DLGAP2: variants seen among roughly 807,000 people sequenced by gnomAD.
DLGAP2 encodes disks large-associated protein 2.
A neutral mutation model predicts 100.3 loss-of-function variants in DLGAP2; 26 were observed. The ratio of observed to expected loss-of-function variants is 0.26; its 90% confidence interval spans 0.19 to 0.36. The LOEUF (loss-of-function observed/expected upper bound fraction) is 0.36, where lower values mean the gene tolerates loss of function less well. Among genes scored for constraint, DLGAP2 ranks in the 10% least tolerant of loss-of-function variants. DLGAP2 has a pLI of 1.00. For synonymous variants in DLGAP2, 886 were observed against 630.1 expected (o/e 1.41, Z -6.08); for missense variants, 1,858 against 1,453.2 (o/e 1.28, Z -4.53).
intron 8 of DLGAP2, among the ~76,000 whole-genome samples, chr8:1,636,756 A>C (rs1175919736): frequency 1.3e-5 from 2 of 152,238 alleles, no homozygotes; most frequent in Non-Finnish European, 2.9e-5. Flanking sequence ...CCGTCGAGTT[A>C]CTGTGTAACT....
chr8:1,492,666 T>C (rs533584211), intron 3 of DLGAP2, among the ~76,000 whole-genome samples: 1 of 152,202 alleles, frequency 6.6e-6, no homozygotes, highest in Non-Finnish European at 1.5e-5. Flanking sequence ...TGACCCCTCC[T>C]CACAGCCGGA....
At chr8:1,019,348 C>T (rs1027064119) in intron 2 of DLGAP2, 2 of 151,904 alleles carry the variant, frequency 1.3e-5, no homozygotes, top group African/African-American at 4.8e-5. Context: ...AGTACCAGGA[C>T]CAGAGAATCT....
intron 2 of DLGAP2, among the ~76,000 whole-genome samples, chr8:1,236,414 GGCGCCATGTCTAGTTACCTCTCACA>G: frequency 2.2e-4 from 2 of 9,122 alleles, no homozygotes; most frequent in African/African-American, 1.3e-3. Context: ...TCTCTCACAT[GGCGCCATGTCTAGTTACCTCTCACA>G]TGGTGCAGTG....
intron 3 of DLGAP2, among the ~76,000 whole-genome samples, chr8:1,475,570 C>T (rs1033754105): frequency 1.3e-5 from 2 of 152,120 alleles, no homozygotes; most frequent in African/African-American, 4.8e-5. Flanking sequence ...AAACGTCTTC[C>T]ATACTGGGTC....
At chr8:1,412,708 C>A (rs977150438) in intron 3 of DLGAP2, among the ~76,000 whole-genome samples, 1 of 152,210 alleles carries the variant, frequency 6.6e-6, no homozygotes, top group African/African-American at 2.4e-5. Context: ...TTGAGTCTTT[C>A]TTGCTGTTCT....
chr8:1,039,563 TTGGTGTG>T (rs1802245633), intron 2 of DLGAP2, among the ~76,000 whole-genome samples: 1 of 115,876 alleles, frequency 8.6e-6, no homozygotes. Context: ...CGTGGTCAGC[TTGGTGTG>T]CGTGGTCAGC....
At chr8:855,566 A>T (rs146660451) in intron 1 of DLGAP2, among the ~76,000 whole-genome samples, 276 of 152,250 alleles carry the variant, frequency 1.8e-3, no homozygotes, top group African/African-American at 6.4e-3. Context: ...TGAGAGGGGG[A>T]TAGGTCTGTA....
At chr8:1,663,444 G>A (rs753647507) in intron 8 of DLGAP2, among the ~76,000 whole-genome samples, 11 of 152,062 alleles carry the variant, frequency 7.2e-5, no homozygotes, top group Non-Finnish European at 1.0e-4. Flanking sequence ...TCTCCGCTTC[G>A]TGGGACGCCG....
At chr8:1,463,895 A>C (rs1018626167) in intron 3 of DLGAP2, among the ~76,000 whole-genome samples, 1 of 152,224 alleles carries the variant, frequency 6.6e-6, no homozygotes, top group African/African-American at 2.4e-5. Flanking sequence ...TGGGCCTTCC[A>C]GGGAGCTGCA....
At chr8:1,319,110 G>C (rs995198096) in intron 3 of DLGAP2, among the ~76,000 whole-genome samples, 1 of 152,088 alleles carries the variant, frequency 6.6e-6, no homozygotes, top group African/African-American at 2.4e-5. Flanking sequence ...AGGTCTCCGA[G>C]GGCTGGAGGG....
chr8:1,582,306 A>ACACACCACAGAC (rs1803310835), intron 6 of DLGAP2, among the ~76,000 whole-genome samples: 1 of 100,798 alleles, frequency 9.9e-6, no homozygotes, highest in African/African-American at 5.3e-5. Context: ...GGATACAGAT[A>ACACACCACAGAC]AAACCTTAAA....
intron 1 of DLGAP2, among the ~76,000 whole-genome samples, chr8:898,260 C>T (rs1389749148): frequency 2.6e-5 from 4 of 152,096 alleles, no homozygotes; most frequent in Non-Finnish European, 5.9e-5. Flanking sequence ...CCACTGTGGC[C>T]AGGGCTGTAG....
chr8:1,120,754 A>G (rs763797916), intron 2 of DLGAP2, among the ~76,000 whole-genome samples: 6 of 151,322 alleles, frequency 4.0e-5, no homozygotes, highest in Non-Finnish European at 5.9e-5. Flanking sequence ...ACCCATCCTA[A>G]TTTATTTAGA....
At chr8:1,412,136 T>C (rs557694190) in intron 3 of DLGAP2, among the ~76,000 whole-genome samples, 68 of 152,320 alleles carry the variant, frequency 4.5e-4, no homozygotes, top group African/African-American at 1.6e-3. Flanking sequence ...ATCTCCCTCC[T>C]CCTCACCTGT....
intron 2 of DLGAP2, among the ~76,000 whole-genome samples, chr8:1,007,115 C>G (rs973290814): frequency 3.3e-5 from 5 of 151,848 alleles, no homozygotes; most frequent in African/African-American, 1.2e-4. Flanking sequence ...CGCCGTGTGT[C>G]TGAAGTCTCA....
chr8:821,809 T>C (rs1053009662), intron 1 of DLGAP2, among the ~76,000 whole-genome samples: 6 of 152,362 alleles, frequency 3.9e-5, no homozygotes, highest in African/African-American at 1.2e-4. Flanking sequence ...TGTACATTAT[T>C]ATCATTTCAA....
rs368768035 is a variant in DLGAP2, at chr8:1,054,435, A to C, written c.73+146469A>C. Among the ~76,000 whole-genome samples, 46 of 152,314 alleles carry C rather than the reference A, an allele frequency of 3.0e-4. 1 individual carries two copies. The South Asian group carries it at 6.4e-3, about 21-fold the overall frequency. ...CATCTTAGATTTGTGGTCACCAGTTACACTTCGGCTTTGTAGACGTCTATC... is the reference window on the plus strand; with the variant it reads ...CATCTTAGATTTGTGGTCACCAGTTCCACTTCGGCTTTGTAGACGTCTATC... On this transcript the variant is annotated intron_variant, in intron 2 of 14. Coordinates refer to ENST00000637795, the MANE Select transcript of DLGAP2 (RefSeq NM_001346810.2).
chr8:841,885 A>G (rs191575260), intron 1 of DLGAP2, among the ~76,000 whole-genome samples: 111 of 152,260 alleles, frequency 7.3e-4, no homozygotes, highest in Non-Finnish European at 1.8e-4. Flanking sequence ...AGGTATCCTG[A>G]TTCTCGAGAG....
At chr8:1,617,787 T>G (rs115065408) in intron 6 of DLGAP2, among the ~76,000 whole-genome samples, 1,651 of 152,278 alleles carry the variant, frequency 0.011, 30 homozygotes, top group African/African-American at 0.038. Flanking sequence ...ACGCTATGCA[T>G]TACAGCCAAT....
Sources: allele counts gnomAD v4.1 joint callset (sites outside exome capture counted in the v4.1 genomes callset), GRCh38; gene constraint gnomAD v4.1.1; transcripts MANE v1.5; gene names NCBI Gene and HGNC (gene_info 2026-07-23, HGNC 2026-07-21).